The following CALN1 variants were observed in gnomAD, a reference collection of about 807,000 sequenced individuals.
CALN1 encodes calcium-binding protein 8.
In CALN1, 17 loss-of-function variants were observed where a neutral mutation model predicts 30.6. The observed-to-expected ratio is 0.56, with a 90% confidence interval of 0.38 to 0.83. CALN1 has a LOEUF of 0.83. Among genes scored for constraint, CALN1 ranks in the 40% least tolerant of loss-of-function variants. CALN1 has a pLI of 0.00. For synonymous variants in CALN1, 156 were observed against 131.4 expected, an observed-to-expected ratio of 1.19 and a Z score of -1.28; for missense variants, 291 against 354.9, an observed-to-expected ratio of 0.82 and a Z score of 1.45.
chr7:72,245,555 T>C (rs1357839155), intron 3 of CALN1, among the ~76,000 whole-genome samples: 1 of 150,756 alleles, frequency 6.6e-6, no homozygotes, highest in East Asian at 1.9e-4. Flanking sequence ...GAGGCAGAGG[T>C]TGCAGTGAGC....
intron 5 of CALN1, among the ~76,000 whole-genome samples, chr7:71,905,384 T>G (rs1204774448): frequency 3.3e-5 from 4 of 121,330 alleles, no homozygotes; most frequent in African/African-American, 1.4e-4. Context: ...AATGTGTAGT[T>G]TTTTTTTTTT....
At chr7:72,262,934 G>A (rs1796363242) in intron 3 of CALN1, among the ~76,000 whole-genome samples, 1 of 152,218 alleles carries the variant, frequency 6.6e-6, no homozygotes, top group African/African-American at 2.4e-5. Flanking sequence ...AAGACACAAA[G>A]ACTCACAATG....
chr7:71,919,159 T>C (rs1332826230), intron 5 of CALN1, among the ~76,000 whole-genome samples: 1 of 152,230 alleles, frequency 6.6e-6, no homozygotes, highest in African/African-American at 2.4e-5. Flanking sequence ...GCCACGCTTC[T>C]TAACAGGCAT....
intron 3 of CALN1, among the ~76,000 whole-genome samples, chr7:72,258,324 T>G (rs563740170): frequency 6.4e-4 from 97 of 152,248 alleles, no homozygotes; most frequent in African/African-American, 2.1e-3. Context: ...CAGAGGAAAC[T>G]ACAGCATATT....
chr7:72,246,275 C>T (rs146361241), intron 3 of CALN1, among the ~76,000 whole-genome samples: 6 of 152,244 alleles, frequency 3.9e-5, no homozygotes, highest in African/African-American at 1.2e-4. Context: ...AGGATAAAAG[C>T]TCTCATTTCA....
At chr7:72,291,942 G>C (rs929610057) in intron 2 of CALN1, among the ~76,000 whole-genome samples, 2 of 151,558 alleles carry the variant, frequency 1.3e-5, no homozygotes, top group Non-Finnish European at 2.9e-5. Flanking sequence ...CCAATGTGAT[G>C]GTATTAGCAG....
intron 6 of CALN1, among the ~76,000 whole-genome samples, chr7:71,797,107 T>G (rs1786972890): frequency 6.6e-6 from 1 of 152,218 alleles, no homozygotes; most frequent in South Asian, 2.1e-4. Context: ...AGGTTCATAA[T>G]CCCTCTGCCT....
chr7:72,249,959 AAGAGAGAG>A (rs1554337553), intron 3 of CALN1, among the ~76,000 whole-genome samples: 1 of 147,668 alleles, frequency 6.8e-6, no homozygotes, highest in Non-Finnish European at 1.5e-5. Context: ...AAAAAAAAAA[AAGAGAGAG>A]AGAGAGAGAG....
intron 2 of CALN1, among the ~76,000 whole-genome samples, chr7:72,363,025 T>C (rs1472796721): frequency 6.6e-6 from 1 of 152,208 alleles, no homozygotes; most frequent in Non-Finnish European, 1.5e-5. Flanking sequence ...TTAAGGATGT[T>C]CTTTTTTTAA....
At chr7:72,177,718 T>C (rs1011785473) in intron 3 of CALN1, among the ~76,000 whole-genome samples, 1 of 146,230 alleles carries the variant, frequency 6.8e-6, no homozygotes, top group African/African-American at 2.6e-5. Flanking sequence ...TGAGCTGAAA[T>C]TGCACCACTT....
chr7:72,402,584 T>A (rs987252084), intron 2 of CALN1, among the ~76,000 whole-genome samples: 4 of 151,950 alleles, frequency 2.6e-5, no homozygotes, highest in Non-Finnish European at 4.4e-5. Context: ...ACACCCAGAG[T>A]TGAAATTCCT....
chr7:72,168,064 A>G (rs927512482), intron 3 of CALN1, among the ~76,000 whole-genome samples: 1 of 152,218 alleles, frequency 6.6e-6, no homozygotes, highest in African/African-American at 2.4e-5. Flanking sequence ...AATTTATGCA[A>G]TCTATGTTAA....
At chr7:72,361,991 A>G (rs953345584) in intron 2 of CALN1, among the ~76,000 whole-genome samples, 2 of 152,306 alleles carry the variant, frequency 1.3e-5, no homozygotes, top group East Asian at 3.9e-4. Context: ...TGCGAGTTCT[A>G]GATATACTCA....
chr7:72,381,120 G>C (rs1471859660), intron 2 of CALN1, among the ~76,000 whole-genome samples: 1 of 152,188 alleles, frequency 6.6e-6, no homozygotes. Flanking sequence ...CTCCCAGAAT[G>C]CAGACGGAAA....
intron 5 of CALN1, among the ~76,000 whole-genome samples, chr7:72,015,333 A>G (rs1409018424): frequency 6.6e-6 from 1 of 152,214 alleles, no homozygotes; most frequent in Non-Finnish European, 1.5e-5. Flanking sequence ...GCTAATAGAA[A>G]CAGATTGCTG....
At chr7:71,940,028 T>A (rs35437349) in intron 5 of CALN1, among the ~76,000 whole-genome samples, 6 of 152,010 alleles carry the variant, frequency 3.9e-5, no homozygotes, top group African/African-American at 1.4e-4. Context: ...CTGTGTCCCC[T>A]CCTAAACCTT....
At chr7:72,123,762 G>A (rs902125850) in intron 3 of CALN1, among the ~76,000 whole-genome samples, 2 of 152,176 alleles carry the variant, frequency 1.3e-5, no homozygotes, top group Non-Finnish European at 2.9e-5. Flanking sequence ...GAAGGAAATT[G>A]TTCTCCACTG....
intron 2 of CALN1, among the ~76,000 whole-genome samples, chr7:72,305,740 G>A (rs565214565): frequency 7.9e-5 from 12 of 152,184 alleles, no homozygotes; most frequent in Non-Finnish European, 1.0e-4. Flanking sequence ...ACTACAGACC[G>A]GGTGGCTTAA....
intron 5 of CALN1, 147 bp from the exon 6 acceptor site, chr7:71,810,639 A>G (rs1787893466): frequency 1.5e-6 from 1 of 676,354 alleles, no homozygotes; most frequent in Non-Finnish European, 2.4e-6. Flanking sequence ...CATCCTGTTC[A>G]GCTCCAAGTA....
Sources: gnomAD v4.1 joint callset for allele counts (sites outside exome capture counted in the v4.1 genomes callset) on GRCh38, gnomAD v4.1.1 for gene constraint, MANE v1.5 for transcripts, NCBI Gene and HGNC (gene_info 2026-07-23, HGNC 2026-07-21) for gene names.